Variants in KALRN observed in about 807,000 individuals in gnomAD.
KALRN encodes kalirin RhoGEF kinase.
In KALRN, 70 loss-of-function variants were observed where a neutral mutation model predicts 353.7. The observed-to-expected ratio is 0.20, with a 90% CI of 0.16 to 0.24. KALRN has a LOEUF of 0.24. Among genes scored for constraint, KALRN ranks in the 10% least tolerant of loss-of-function variants. The pLI, the probability that KALRN is intolerant of heterozygous loss-of-function variation, is 1.00. For missense variants in KALRN, 2,791 were observed against 3,756.7 expected (o/e 0.74, Z 6.72); for synonymous variants, 1,391 against 1,434.8 (o/e 0.97, Z 0.69).
chr3:124,395,964 G>C (rs1176708129), intron 12 of KALRN, among the ~76,000 whole-genome samples: 1 of 152,156 alleles, frequency 6.6e-6, no homozygotes, highest in Non-Finnish European at 1.5e-5. Context: ...GAATTACCCA[G>C]GCCATTGCCT....
chr3:124,493,256 C>G (rs2063360748), intron 32 of KALRN, among the ~76,000 whole-genome samples: 1 of 152,122 alleles, frequency 6.6e-6, no homozygotes, highest in Admixed American at 6.5e-5. Context: ...TTAGATGAGT[C>G]CTAGAGTGGA....
Position 124,425,471 on chromosome 3 carries a change from A to G in KALRN, c.2709+2493A>G, listed in dbSNP as rs573769386. Among the ~76,000 whole-genome samples the G allele has an allele frequency of 5.9e-5, 9 of 152,286 alleles. No individual in the cohort carries two copies. In the South Asian group the frequency reaches 1.5e-3, roughly 25 times the overall value. On this transcript the variant is annotated intron_variant, in intron 15 of 59. Transcript: ENST00000682506. Reference sequence around the variant, plus strand: ...CCTGACCTCAGCAGTACCATGTATGAGAGGATAGGAGCAGGCATGGCCTAA... The same window carrying G: ...CCTGACCTCAGCAGTACCATGTATGGGAGGATAGGAGCAGGCATGGCCTAA...
intron 1 of KALRN, among the ~76,000 whole-genome samples, chr3:124,160,348 C>T (rs934955083): frequency 9.9e-5 from 15 of 152,104 alleles, no homozygotes; most frequent in Non-Finnish European, 1.6e-4. Flanking sequence ...CAGATGGGAT[C>T]TCTTGAATGT....
chr3:124,657,803 CGTGA>C lies in KALRN; in HGVS notation c.6036+4_6036+7del. ...GATTGGCACAGCTCTTTATTAAGCA[CGTGA>C]GTGTCTCCCATCACCTCCTCCCCAA... On this transcript the variant is annotated splice_donor_variant and splice_donor_region_variant and intron_variant, in intron 41 of 59. Coordinates refer to ENST00000682506, the MANE Select transcript of KALRN (RefSeq NM_001388419.1). LOFTEE classifies it high-confidence loss of function. 6.2e-7 allele frequency: 1 copy of C among 1,604,348 alleles called. No individual in the cohort carries two copies. Among genetic ancestry groups the C allele is most frequent in the Non-Finnish European group, 8.5e-7 (1 of 1,171,196 alleles).
intron 1 of KALRN, among the ~76,000 whole-genome samples, chr3:124,141,491 C>T (rs1402587337): frequency 6.6e-6 from 1 of 152,170 alleles, no homozygotes; most frequent in Non-Finnish European, 1.5e-5. Flanking sequence ...CACCTGTCCT[C>T]CCCCTGAATC....
rs962168300 is a variant in KALRN, at chr3:124,562,760, C to T, written c.4936-83C>T. 8 of 1,195,554 alleles carry T rather than the reference C, an allele frequency of 6.7e-6. No homozygotes were observed. In the South Asian group the frequency reaches 1.0e-4, roughly 15 times the overall value. 74.1% of individuals were successfully genotyped at this position (1,195,554 alleles called of 1,614,324 possible). ...CCTCTGCTCTCACACATCCTTCGTC[C>T]CCTCTCACCAACCCTCTCCCATATT... On this transcript the variant is annotated intron_variant, in intron 33 of 59. Transcript: ENST00000682506.
intron 1 of KALRN, among the ~76,000 whole-genome samples, chr3:124,204,789 T>C (rs1314190782): frequency 6.6e-6 from 1 of 152,214 alleles, no homozygotes; most frequent in Non-Finnish European, 1.5e-5. Flanking sequence ...AAAAACTAAA[T>C]CTCTAAGGTC....
intron 1 of KALRN, among the ~76,000 whole-genome samples, chr3:124,087,526 T>G: frequency 6.6e-6 from 1 of 152,212 alleles, no homozygotes; most frequent in East Asian, 1.9e-4. Context: ...GGCTTTACCT[T>G]GCTCTGCATG....
chr3:124,643,732 C>T (rs1268808220), intron 37 of KALRN, among the ~76,000 whole-genome samples: 1 of 152,128 alleles, frequency 6.6e-6, no homozygotes, highest in Non-Finnish European at 1.5e-5. Flanking sequence ...AAGCAATCCT[C>T]CCACTTCAGC....
intron 48 of KALRN, among the ~76,000 whole-genome samples, chr3:124,672,505 G>C (rs1035949532): frequency 2.6e-5 from 4 of 152,150 alleles, no homozygotes; most frequent in Admixed American, 1.3e-4. Context: ...GATCTGCCTC[G>C]AGCACCTACT....
chr3:124,232,694 C>T (rs2148551389), intron 2 of KALRN, among the ~76,000 whole-genome samples: 1 of 151,704 alleles, frequency 6.6e-6, no homozygotes, highest in Middle Eastern at 3.4e-3. Context: ...CTCCTCTTGA[C>T]TCCTTATCTA....
intron 2 of KALRN, among the ~76,000 whole-genome samples, chr3:124,230,513 G>T (rs1324614339): frequency 6.6e-6 from 1 of 152,136 alleles, no homozygotes; most frequent in East Asian, 1.9e-4. Context: ...CCTGGGCAGA[G>T]CCTCAGAAAA....
At chr3:124,070,734 C>T (rs2059977831) in intron 1 of KALRN, among the ~76,000 whole-genome samples, 1 of 152,192 alleles carries the variant, frequency 6.6e-6, no homozygotes, top group Non-Finnish European at 1.5e-5. Flanking sequence ...TAAGCTTGGC[C>T]TTCCCTTCCT....
chr3:124,596,542 A>T (rs970630378), intron 34 of KALRN, among the ~76,000 whole-genome samples: 2 of 152,352 alleles, frequency 1.3e-5, no homozygotes, highest in South Asian at 4.1e-4. Flanking sequence ...AAAAATTGAG[A>T]TGCTTTACAT....
intron 34 of KALRN, among the ~76,000 whole-genome samples, chr3:124,595,018 C>T (rs1278526415): frequency 1.3e-5 from 2 of 150,874 alleles, no homozygotes; most frequent in African/African-American, 4.9e-5. Context: ...GGAAATAGTT[C>T]ATTTTTAAAT....
intron 27 of KALRN, among the ~76,000 whole-genome samples, chr3:124,481,181 G>T (rs975231063): frequency 1.3e-5 from 2 of 151,846 alleles, no homozygotes; most frequent in Non-Finnish European, 2.9e-5. Context: ...TTCATCATGT[G>T]TTTTTTTCTC....
chr3:124,563,190 C>A, intron 34 of KALRN, 101 bp downstream of exon 34: 1 of 1,212,412 alleles, frequency 8.2e-7, no homozygotes. Flanking sequence ...TCTCACAGAC[C>A]CATTTTTACC....
intron 1 of KALRN, among the ~76,000 whole-genome samples, chr3:124,098,001 G>A (rs973334532): frequency 1.3e-5 from 2 of 152,190 alleles, no homozygotes; most frequent in African/African-American, 4.8e-5. Flanking sequence ...AGAAGCATGA[G>A]TTGTATATAA....
chr3:124,149,310 TAG>T (rs2067774624), intron 1 of KALRN, among the ~76,000 whole-genome samples: 1 of 152,174 alleles, frequency 6.6e-6, no homozygotes, highest in Admixed American at 6.5e-5. Context: ...CCTTTTGTAG[TAG>T]AGTCAGACTC....
Sources: allele counts gnomAD v4.1 joint callset (sites outside exome capture counted in the v4.1 genomes callset), GRCh38; gene constraint gnomAD v4.1.1; transcripts MANE v1.5; gene names NCBI Gene and HGNC (gene_info 2026-07-23, HGNC 2026-07-21).